Variants in CDIN1 observed in about 807,000 individuals in gnomAD.
The protein encoded by CDIN1 is CDAN1-interacting nuclease 1.
A neutral mutation model predicts 45.3 loss-of-function variants in CDIN1; 33 were observed. The observed-to-expected ratio is 0.73, with a 90% CI of 0.55 to 0.97. CDIN1 has a LOEUF of 0.97. Ranked by LOEUF, CDIN1 falls within the 50% of genes least tolerant of loss-of-function variation. The pLI, the probability that CDIN1 is intolerant of heterozygous loss-of-function variation, is 0.00. For synonymous variants in CDIN1, 118 were observed against 124.4 expected (o/e 0.95, Z 0.34); for missense variants, 303 against 339.4 (o/e 0.89, Z 0.84).
chr15:36,771,128 T>C (rs1363396342), intron 10 of CDIN1, among the ~76,000 whole-genome samples: 1 of 152,222 alleles, frequency 6.6e-6, no homozygotes, highest in Non-Finnish European at 1.5e-5. Context: ...CAGGCCATTC[T>C]GTATCTCATT....
intron 5 of CDIN1, among the ~76,000 whole-genome samples, chr15:36,687,003 G>A (rs1037649968): frequency 8.2e-6 from 1 of 122,550 alleles, no homozygotes; most frequent in Non-Finnish European, 1.7e-5. Context: ...AATGTAGAAT[G>A]TATTATTTCC....
At chr15:36,674,829 CTAACTCAAGGGGAAAATA>C (rs2041586717) in intron 5 of CDIN1, among the ~76,000 whole-genome samples, 2 of 151,994 alleles carry the variant, frequency 1.3e-5, no homozygotes, top group South Asian at 4.2e-4. Context: ...ATGAGGCGTC[CTAACTCAAGGGGAAAATA>C]TAACTCTCTT....
chr15:36,621,872 G>GTTT (rs553981750), intron 1 of CDIN1, among the ~76,000 whole-genome samples: 2 of 142,386 alleles, frequency 1.4e-5, no homozygotes, highest in African/African-American at 5.2e-5. Flanking sequence ...AACAAGTTCA[G>GTTT]TTTTTTTTTT....
intron 10 of CDIN1, among the ~76,000 whole-genome samples, chr15:36,768,483 C>T (rs1010825929): frequency 1.3e-5 from 2 of 152,162 alleles, no homozygotes; most frequent in Admixed American, 6.6e-5. Flanking sequence ...GAGTGCTCTC[C>T]CTGTTCCCAA....
chr15:36,740,854 T>C (rs1204290312), intron 10 of CDIN1, among the ~76,000 whole-genome samples: 1 of 149,676 alleles, frequency 6.7e-6, no homozygotes, highest in Non-Finnish European at 1.5e-5. Context: ...GCACCATTGC[T>C]CTCCAGCCTA....
rs192076484 is a variant in CDIN1, at chr15:36,788,563, T to C, written c.717-19761T>C. ...TTTATATATTTTAAAGGTTTGTCTATGAATACGAAATAAAAAATAGCTTGT... is the reference window on the plus strand; with the variant it reads ...TTTATATATTTTAAAGGTTTGTCTACGAATACGAAATAAAAAATAGCTTGT... On this transcript the variant is annotated intron_variant, in intron 10 of 10. Transcript: ENST00000566621. Among the ~76,000 whole-genome samples the C allele has an allele frequency of 2.8e-3, 422 of 152,236 alleles. 3 individuals are homozygous for C. The highest frequency in any genetic ancestry group is 0.012 in the South Asian group (56 of 4,826).
intron 1 of CDIN1, among the ~76,000 whole-genome samples, chr15:36,605,209 T>G (rs535018750): frequency 1.3e-5 from 2 of 152,220 alleles, no homozygotes; most frequent in African/African-American, 4.8e-5. Context: ...ATAATACTTT[T>G]GTAAAGGATT....
At chr15:36,699,419 A>C (rs1031570583) in intron 8 of CDIN1, among the ~76,000 whole-genome samples, 1 of 152,138 alleles carries the variant, frequency 6.6e-6, no homozygotes, top group African/African-American at 2.4e-5. Context: ...ACAGACCACT[A>C]ATCTTAGTCT....
At chr15:36,643,100 G>A (rs941997023) in intron 1 of CDIN1, among the ~76,000 whole-genome samples, 9 of 151,968 alleles carry the variant, frequency 5.9e-5, no homozygotes, top group African/African-American at 2.2e-4. Flanking sequence ...AGACTATAAT[G>A]GATTTATTAT....
chr15:36,765,020 CCTTTGTGCTTAATTTT>C (rs2053875529), intron 10 of CDIN1, among the ~76,000 whole-genome samples: 1 of 151,124 alleles, frequency 6.6e-6, no homozygotes, highest in Non-Finnish European at 1.5e-5. Flanking sequence ...GAACTACTTT[CCTTTGTGCTTAATTTT>C]CTTTTCTTTT....
At chr15:36,789,008 T>G (rs10444866) in intron 10 of CDIN1, among the ~76,000 whole-genome samples, 133,411 of 152,262 alleles carry the variant, frequency 0.88, 61,193 homozygotes, top group East Asian at 1. Flanking sequence ...GAAGAATTGT[T>G]TTGGTCCACA....
At chr15:36,708,030 C>G (rs185515828) in intron 8 of CDIN1, 1 of 152,212 alleles carries the variant, frequency 6.6e-6, no homozygotes, top group African/African-American at 2.4e-5. Context: ...ACTTAAATGT[C>G]TACTTTAAAT....
intron 1 of CDIN1, among the ~76,000 whole-genome samples, chr15:36,639,869 T>C (rs1161561476): frequency 1.3e-5 from 2 of 152,200 alleles, no homozygotes; most frequent in African/African-American, 4.8e-5. Context: ...TATAGTTGAT[T>C]ACTACTAAGC....
At chr15:36,637,667 A>C (rs1038629101) in intron 1 of CDIN1, among the ~76,000 whole-genome samples, 1 of 152,238 alleles carries the variant, frequency 6.6e-6, no homozygotes, top group African/African-American at 2.4e-5. Flanking sequence ...CTCACCCAGG[A>C]GTGAGTCCAC....
At chr15:36,634,054 C>G (rs953372527) in intron 1 of CDIN1, among the ~76,000 whole-genome samples, 1 of 152,070 alleles carries the variant, frequency 6.6e-6, no homozygotes, top group Non-Finnish European at 1.5e-5. Flanking sequence ...GCCCAACCCA[C>G]CCATGATACT....
chr15:36,807,894 T>A (rs980726945), intron 10 of CDIN1, among the ~76,000 whole-genome samples: 9 of 152,184 alleles, frequency 5.9e-5, no homozygotes, highest in African/African-American at 2.2e-4. Flanking sequence ...CAAACATTCT[T>A]TTATTTTTCT....
At chr15:36,763,339 TG>T (rs1202693250) in intron 10 of CDIN1, among the ~76,000 whole-genome samples, 1 of 152,198 alleles carries the variant, frequency 6.6e-6, no homozygotes, top group Non-Finnish European at 1.5e-5. Flanking sequence ...TTGATGGGGT[TG>T]TTTTTTTCTT....
At chr15:36,633,245 A>G (rs575282188) in intron 1 of CDIN1, among the ~76,000 whole-genome samples, 2 of 152,278 alleles carry the variant, frequency 1.3e-5, no homozygotes, top group South Asian at 2.1e-4. Flanking sequence ...ACATATTCCA[A>G]TACTGTTATA....
At position 36,691,026 on chromosome 15, in the gene CDIN1, G is replaced by C. The variant is rs968585669; in HGVS notation, c.347-659G>C. 10 of 399,938 alleles carry C rather than the reference G, an allele frequency of 2.5e-5. No individual in the cohort carries two copies. The Admixed American group carries it at 3.2e-4, about 13-fold the overall frequency. 24.8% of individuals were successfully genotyped at this position (399,938 alleles called of 1,614,324 possible). On this transcript the variant is annotated intron_variant, in intron 5 of 10. Transcript: ENST00000566621. ...GGTTCAACTTAATTTGCAAGTTGAG[G>C]CATATTTTGGGTGGAAAACTTGTGT...
Sources: allele counts gnomAD v4.1 joint callset (sites outside exome capture counted in the v4.1 genomes callset), GRCh38; gene constraint gnomAD v4.1.1; transcripts MANE v1.5; gene names NCBI Gene and HGNC (gene_info 2026-07-23, HGNC 2026-07-21).